The following GLRA3 variants were observed in gnomAD, a reference collection of about 807,000 sequenced individuals.
GLRA3 encodes glycine receptor subunit alpha-3.
A neutral mutation model predicts 60.4 loss-of-function variants in GLRA3; 44 were observed. The ratio of observed to expected loss-of-function variants is 0.73; its 90% CI spans 0.57 to 0.94. The LOEUF (loss-of-function observed/expected upper bound fraction) is 0.94, where lower values mean the gene tolerates loss of function less well. Ranked by LOEUF, GLRA3 falls within the 40% of genes least tolerant of loss-of-function variation. The probability of loss-of-function intolerance (pLI) is 0.00; values close to 1 mark genes in which losing one functional copy is unlikely to be tolerated. For synonymous variants in GLRA3, 223 were observed against 192.9 expected (o/e 1.16, Z -1.29); for missense variants, 508 against 564.6 (o/e 0.90, Z 1.02).
chr4:174,798,660 C>G (rs1579626234), intron 1 of GLRA3, among the ~76,000 whole-genome samples: 1 of 152,202 alleles, frequency 6.6e-6, no homozygotes, highest in African/African-American at 2.4e-5. Flanking sequence ...CGCGGTGGCT[C>G]ATGCCTGTAA....
intron 7 of GLRA3, among the ~76,000 whole-genome samples, chr4:174,660,058 G>A (rs974813947): frequency 1.3e-5 from 2 of 150,396 alleles, no homozygotes; most frequent in African/African-American, 4.9e-5. Context: ...GTATGTGTGT[G>A]TATATATATA....
intron 3 of GLRA3, among the ~76,000 whole-genome samples, chr4:174,736,117 A>C (rs957599397): frequency 6.6e-6 from 1 of 152,160 alleles, no homozygotes; most frequent in African/African-American, 2.4e-5. Context: ...TTTGAGGTGG[A>C]TAAGAGTGTC....
intron 1 of GLRA3, among the ~76,000 whole-genome samples, chr4:174,791,071 T>C (rs922500202): frequency 1.3e-5 from 2 of 150,964 alleles, no homozygotes; most frequent in Admixed American, 1.3e-4. Flanking sequence ...GTGCACAGAA[T>C]GTGGGAACGT....
At chr4:174,755,055 A>G (rs2111205401) in intron 3 of GLRA3, among the ~76,000 whole-genome samples, 1 of 152,260 alleles carries the variant, frequency 6.6e-6, no homozygotes. Flanking sequence ...TGCTTAATTC[A>G]TATTTTAGAG....
intron 6 of GLRA3, among the ~76,000 whole-genome samples, chr4:174,682,172 G>C (rs1434099822): frequency 6.6e-6 from 1 of 152,148 alleles, no homozygotes; most frequent in Non-Finnish European, 1.5e-5. Flanking sequence ...CTTTCTAACT[G>C]TATGTATACA....
In GLRA3 at chr4:174,668,055, A is replaced by G. The variant is rs531711643; in HGVS notation, c.928-8858T>C. ...AGTTCTCGTGAGATCTGGTTGTTTAAAAGTGTGTGGCACCTTCCCTTTCAA... is the reference window on the plus strand; with the variant it reads ...AGTTCTCGTGAGATCTGGTTGTTTAGAAGTGTGTGGCACCTTCCCTTTCAA... On this transcript the variant is annotated intron_variant, in intron 7 of 9. Coordinates refer to ENST00000274093, the MANE Select transcript of GLRA3 (RefSeq NM_006529.4). 5.1e-4 allele frequency among the ~76,000 whole-genome samples: 78 copies of G among 152,102 alleles called. 1 individual carries two copies. Among genetic ancestry groups the G allele is most frequent in the Admixed American group, 1.0e-3 (16 of 15,254 alleles).
chr4:174,761,165 A>T (rs1737929045), intron 3 of GLRA3, among the ~76,000 whole-genome samples: 1 of 152,030 alleles, frequency 6.6e-6, no homozygotes, highest in Non-Finnish European at 1.5e-5. Flanking sequence ...TATGCCTGTA[A>T]CTTTTTTTTA....
chr4:174,804,958 C>T (rs1274912055), intron 1 of GLRA3, among the ~76,000 whole-genome samples: 4 of 152,116 alleles, frequency 2.6e-5, no homozygotes, highest in Admixed American at 6.6e-5. Context: ...TTACTGTACA[C>T]GTAGCGACAA....
chr4:174,799,677 C>A (rs530350252), intron 1 of GLRA3, among the ~76,000 whole-genome samples: 1 of 152,248 alleles, frequency 6.6e-6, no homozygotes, highest in South Asian at 2.1e-4. Context: ...TACTTGAAAT[C>A]CTCTCAATTT....
chr4:174,817,600 A>G (rs1193197505), intron 1 of GLRA3, among the ~76,000 whole-genome samples: 3 of 152,084 alleles, frequency 2.0e-5, no homozygotes, highest in Non-Finnish European at 2.9e-5. Context: ...ATCTGGCATT[A>G]AGGTTACTAA....
chr4:174,786,253 T>C (rs77343185), intron 2 of GLRA3, among the ~76,000 whole-genome samples: 12,935 of 152,040 alleles, frequency 0.085, 893 homozygotes, highest in East Asian at 0.38. Context: ...AACATTGATG[T>C]GGGGAAAGGC....
chr4:174,773,863 G>A (rs1276150601), intron 2 of GLRA3, among the ~76,000 whole-genome samples: 1 of 152,158 alleles, frequency 6.6e-6, no homozygotes, highest in African/African-American at 2.4e-5. Flanking sequence ...TTAAGTGCTG[G>A]GATGGCTGAG....
At chr4:174,647,977 C>T (rs893158114) in intron 9 of GLRA3, among the ~76,000 whole-genome samples, 2 of 152,162 alleles carry the variant, frequency 1.3e-5, no homozygotes, top group African/African-American at 4.8e-5. Context: ...TCTAGGGAAT[C>T]CATGCTTTCC....
chr4:174,651,497 C>G (rs1214263130), intron 9 of GLRA3, among the ~76,000 whole-genome samples: 1 of 151,922 alleles, frequency 6.6e-6, no homozygotes, highest in Non-Finnish European at 1.5e-5. Flanking sequence ...TTACATTATT[C>G]TAGAAATTGC....
At chr4:174,672,968 AAAAG>A (rs1733969929) in intron 7 of GLRA3, among the ~76,000 whole-genome samples, 1 of 152,046 alleles carries the variant, frequency 6.6e-6, no homozygotes, top group Non-Finnish European at 1.5e-5. Flanking sequence ...TGCTATGTTC[AAAAG>A]TCTCTGATAT....
At chr4:174,658,062 A>G (rs952867309) in intron 8 of GLRA3, among the ~76,000 whole-genome samples, 1 of 152,178 alleles carries the variant, frequency 6.6e-6, no homozygotes, top group Non-Finnish European at 1.5e-5. Flanking sequence ...CAATACATAA[A>G]TTGCAGTATA....
intron 2 of GLRA3, among the ~76,000 whole-genome samples, chr4:174,778,322 ATAAC>A (rs1738690221): frequency 6.6e-6 from 1 of 152,202 alleles, no homozygotes; most frequent in African/African-American, 2.4e-5. Flanking sequence ...CAAAATAAAA[ATAAC>A]TATTTCTTTT....
chr4:174,642,754 T>C lies in GLRA3; in HGVS notation c.*1032A>G, dbSNP rs1323273575. On this transcript the variant is annotated 3_prime_UTR_variant, in exon 10 of 10. Coordinates refer to ENST00000274093, the MANE Select transcript of GLRA3 (RefSeq NM_006529.4). ...AACTTTCCCTACTTATATTTGGAGA[T>C]AGGAGTTGAGACCCATAAAACATTG... is the stretch of plus-strand genomic sequence containing the variant. 2.7e-6 allele frequency: 2 copies of C among 738,876 alleles called. No individual in the cohort carries two copies. Among genetic ancestry groups the C allele is most frequent in the Non-Finnish European group, 3.3e-6 (2 of 605,498 alleles). 45.8% of individuals were successfully genotyped at this position (738,876 alleles called of 1,614,324 possible). A position where few individuals can be genotyped will look rare whatever the true frequency, so the allele number is the denominator to read the frequency against.
chr4:174,739,101 G>A (rs993296968), intron 3 of GLRA3, among the ~76,000 whole-genome samples: 5 of 152,228 alleles, frequency 3.3e-5, no homozygotes, highest in African/African-American at 9.6e-5. Context: ...TTTTGGGATA[G>A]TTTGCTATGC....
Sources: allele counts gnomAD v4.1 joint callset (sites outside exome capture counted in the v4.1 genomes callset), GRCh38; gene constraint gnomAD v4.1.1; transcripts MANE v1.5; gene names NCBI Gene and HGNC (gene_info 2026-07-23, HGNC 2026-07-21).